The following CDC42 variants were observed in gnomAD, a reference collection of about 807,000 sequenced individuals.
CDC42 encodes the protein cell division control protein 42 homolog.
CDC42 carries 1 observed loss-of-function variant against 20.8 expected under a neutral mutation model. The ratio of observed to expected loss-of-function variants is 0.05; its 90% CI spans 0.02 to 0.23. CDC42 has a LOEUF of 0.23. Ranked by LOEUF, CDC42 falls within the 10% of genes least tolerant of loss-of-function variation. The pLI is 1.00. For synonymous variants in CDC42, 72 were observed against 84.8 expected (o/e 0.85, Z 0.83); for missense variants, 49 against 227.9 (o/e 0.21, Z 5.05).
intron 1 of CDC42, among the ~76,000 whole-genome samples, chr1:22,054,730 T>C (rs1332038822): frequency 6.6e-6 from 1 of 151,790 alleles, no homozygotes; most frequent in Non-Finnish European, 1.5e-5. Flanking sequence ...GGTGTGGAAC[T>C]TGAATCTTCT....
intron 3 of CDC42, among the ~76,000 whole-genome samples, chr1:22,082,693 T>A (rs1645620725): frequency 6.6e-6 from 1 of 152,174 alleles, no homozygotes; most frequent in Admixed American, 6.5e-5. Flanking sequence ...CGAGGAACTA[T>A]TTGGATTTAA....
At chr1:22,060,273 G>A (rs993969215) in intron 1 of CDC42, among the ~76,000 whole-genome samples, 21 of 152,236 alleles carry the variant, frequency 1.4e-4, no homozygotes, top group Non-Finnish European at 2.6e-4. Flanking sequence ...GGGATGCAGA[G>A]GCTGCAGTGA....
chr1:22,059,232 TC>T (rs1367798955), intron 1 of CDC42: 1 of 150,360 alleles, frequency 6.7e-6, no homozygotes, highest in Non-Finnish European at 1.5e-5. Flanking sequence ...TTCAAGTGAT[TC>T]TCCTGCCTCC....
In CDC42 at chr1:22,090,675, T is replaced by TA. The variant is rs765195867; in HGVS notation, c.487-752dup. On this transcript the variant is annotated intron_variant, in intron 5 of 5. Coordinates refer to ENST00000656825, the MANE Select transcript of CDC42 (RefSeq NM_001791.4). The stretch of plus-strand genomic sequence containing the variant: ...ATAACATCCATTTAAACAGTTGACT[T>TA]ACAGTTTGTTAATGCTGAGATGTAA... 19 of 985,238 alleles carry TA rather than the reference T, an allele frequency of 1.9e-5. No homozygotes were observed. In the South Asian group the frequency reaches 2.3e-4, roughly 12 times the overall value. 61.0% of individuals were successfully genotyped at this position (985,238 alleles called of 1,614,324 possible). A position where few individuals can be genotyped will look rare whatever the true frequency, so the allele number is the denominator to read the frequency against.
At chr1:22,088,002 G>A (rs1645677989) in intron 5 of CDC42, among the ~76,000 whole-genome samples, 1 of 152,190 alleles carries the variant, frequency 6.6e-6, no homozygotes, top group African/African-American at 2.4e-5. Flanking sequence ...AGTATCAGAT[G>A]ATTTAAACAT....
At chr1:22,090,871 C>T (rs1645709038) in intron 5 of CDC42, 1 of 914,160 alleles carries the variant, frequency 1.1e-6, no homozygotes, top group African/African-American at 1.8e-5. Flanking sequence ...TATCAGGTAC[C>T]CACATTTTTG....
rs1278150620 is a variant in CDC42, at chr1:22,099,488, CTG to C, written c.*7976_*7977del. Reference sequence around the variant, plus strand: ...AATCCTATCTGTCTGATTTTGGAAACTGTGTGCTTACCATTACATATCTTATG... The same window carrying C: ...AATCCTATCTGTCTGATTTTGGAAACTGTGCTTACCATTACATATCTTATG... On this transcript the variant is annotated 3_prime_UTR_variant, in exon 6 of 6. Coordinates refer to ENST00000656825, the MANE Select transcript of CDC42 (RefSeq NM_001791.4). Among the ~76,000 whole-genome samples the C allele has an allele frequency of 4.6e-5, 7 of 152,328 alleles. No individual in the cohort carries two copies. The highest frequency in any genetic ancestry group is 2.1e-4 in the South Asian group (1 of 4,832).
At chr1:22,075,311 G>A (rs1645536310) in intron 1 of CDC42, among the ~76,000 whole-genome samples, 4 of 152,144 alleles carry the variant, frequency 2.6e-5, no homozygotes, top group Admixed American at 2.6e-4. Flanking sequence ...GACCATCTTT[G>A]TAATGGTAAC....
In CDC42 at chr1:22,095,941, T is replaced by C. The variant is rs1557911888; in HGVS notation, c.*4424T>C. Among the ~76,000 whole-genome samples the C allele has an allele frequency of 6.6e-6, 1 of 150,664 alleles. No homozygotes were observed. Among genetic ancestry groups the C allele is most frequent in the South Asian group, 2.1e-4 (1 of 4,818 alleles). ...AAGTCAGTGCTATTCATTCATTTTT[T>C]TAAAAAAATTTATTTATTTATTTAT... On this transcript the variant is annotated 3_prime_UTR_variant, in exon 6 of 6. Transcript: ENST00000656825.
At chr1:22,072,888 C>A (rs1645507480) in intron 1 of CDC42, among the ~76,000 whole-genome samples, 2 of 152,114 alleles carry the variant, frequency 1.3e-5, no homozygotes, top group Non-Finnish European at 2.9e-5. Context: ...TTCACAGTTA[C>A]TATTAATACT....
chr1:22,099,104 T>A lies in CDC42; in HGVS notation c.*7587T>A, dbSNP rs1645774618. Among the ~76,000 whole-genome samples the A allele has an allele frequency of 6.6e-6, 1 of 152,204 alleles. No homozygotes were observed. The highest frequency in any genetic ancestry group is 1.5e-5 in the Non-Finnish European group (1 of 68,036). On this transcript the variant is annotated 3_prime_UTR_variant, in exon 6 of 6. Transcript: ENST00000656825. Reference sequence around the variant, plus strand: ...ATGTGAACAAAGGAGGGCCCAGGCATGTTTGCAGAGTGGCTGGGGGCCCTG... The same window carrying A: ...ATGTGAACAAAGGAGGGCCCAGGCAAGTTTGCAGAGTGGCTGGGGGCCCTG...
intron 1 of CDC42, among the ~76,000 whole-genome samples, chr1:22,054,891 GTATATATATATATATATA>G (rs1157685736): frequency 1.3e-3 from 97 of 71,882 alleles, no homozygotes; most frequent in Middle Eastern, 0.012. Context: ...TTGAATTTAT[GTATATATATATATATATA>G]TATATATATA....
rs1376378737 is a variant in CDC42 at position 22,096,538 on chromosome 1, C to T, written c.*5021C>T. On this transcript the variant is annotated 3_prime_UTR_variant, in exon 6 of 6. Coordinates refer to ENST00000656825, the MANE Select transcript of CDC42 (RefSeq NM_001791.4). ...ATTTATCAAAAACCTGTTCCCTTCC[C>T]TGGCACTGGAGACATTGGAGAATGA... 1.3e-5 allele frequency among the ~76,000 whole-genome samples: 2 copies of T among 152,194 alleles called. No homozygotes were observed. The highest frequency in any genetic ancestry group is 4.8e-5 in the African/African-American group (2 of 41,466).
chr1:22,086,365 C>CTGCT, intron 3 of CDC42, 74 bp from the exon 4 acceptor site: 11 of 927,856 alleles, frequency 1.2e-5, no homozygotes, highest in Non-Finnish European at 1.8e-5. Context: ...GAGTAATGAC[C>CTGCT]AGCATGCTTT....
Position 22,061,528 on chromosome 1 carries a change from C to CTTTTTTTTTTT in CDC42, c.-51+8789_-51+8790insTTTTTTTTTTT, listed in dbSNP as rs1404317396. Among the ~76,000 whole-genome samples the CTTTTTTTTTTT allele has an allele frequency of 8.1e-5, 7 of 86,306 alleles. 3 individuals carry two copies. Among genetic ancestry groups the CTTTTTTTTTTT allele is most frequent in the Non-Finnish European group, 1.5e-4 (7 of 45,674 alleles). 56.6% of individuals were successfully genotyped at this position (86,306 alleles called of 152,430 possible). ...GGTCAATCAGTTTAACTTCATGTTT[C>CTTTTTTTTTTT]TTTCTTTTTTTTTTTTTTTTTTTTT... On this transcript the variant is annotated intron_variant, in intron 1 of 5. Transcript: ENST00000656825.
At chr1:22,088,360 T>C (rs1645682804) in intron 5 of CDC42, among the ~76,000 whole-genome samples, 1 of 152,246 alleles carries the variant, frequency 6.6e-6, no homozygotes. Flanking sequence ...CTTTAGATAA[T>C]TGGATGCTTT....
rs189138148 is a variant in CDC42, at chr1:22,101,265, T to A, written c.*9748T>A. ...AGAGCTCTCAGTTGGAAGTTGAAGA[T>A]CCAGGTTCTAGTTGAGGCACCAGAG... is the stretch of plus-strand genomic sequence containing the variant. On this transcript the variant is annotated 3_prime_UTR_variant, in exon 6 of 6. Coordinates refer to ENST00000656825, the MANE Select transcript of CDC42 (RefSeq NM_001791.4). 2.6e-5 allele frequency: 4 copies of A among 152,242 alleles called. No homozygotes were observed. Among genetic ancestry groups the A allele is most frequent in the Non-Finnish European group, 5.9e-5 (4 of 68,040 alleles). The allele number at this position is 152,242 out of a possible 1,614,324, so 9.4% of individuals were successfully genotyped here.
chr1:22,071,046 C>T (rs796100533), intron 1 of CDC42, among the ~76,000 whole-genome samples: 35 of 125,260 alleles, frequency 2.8e-4, no homozygotes, highest in Admixed American at 4.7e-4. Flanking sequence ...TTTTTTCTTT[C>T]TTTTTTTTTT....
At position 22,094,808 on chromosome 1, in the gene CDC42, C is replaced by T. The variant is rs912707331; in HGVS notation, c.*3291C>T. Among the ~76,000 whole-genome samples, 3 of 152,074 alleles carry T rather than the reference C, an allele frequency of 2.0e-5. No homozygotes were observed. The highest frequency in any genetic ancestry group is 4.4e-5 in the Non-Finnish European group (3 of 68,008). On this transcript the variant is annotated 3_prime_UTR_variant, in exon 6 of 6. Coordinates refer to ENST00000656825, the MANE Select transcript of CDC42 (RefSeq NM_001791.4). ...ATTTAATGTAGTAGTACTTTTTCTCCTTTTGCCCTGCAAGTTGTCACTAAA... is the reference window on the plus strand; with the variant it reads ...ATTTAATGTAGTAGTACTTTTTCTCTTTTTGCCCTGCAAGTTGTCACTAAA...
Sources: allele counts gnomAD v4.1 joint callset (sites outside exome capture counted in the v4.1 genomes callset), GRCh38; gene constraint gnomAD v4.1.1; transcripts MANE v1.5; gene names NCBI Gene and HGNC (gene_info 2026-07-23, HGNC 2026-07-21).